MSR1: variants seen among roughly 807,000 people sequenced by gnomAD.
MSR1 encodes macrophage scavenger receptor types I and II.
Under a neutral mutation model 47.2 loss-of-function variants are expected in MSR1, and 53 were observed. The observed-to-expected ratio is 1.12, with a 90% CI of 0.90 to 1.41. The LOEUF (loss-of-function observed/expected upper bound fraction) is 1.41, where lower values mean the gene tolerates loss of function less well. Ranked by LOEUF, MSR1 falls within the 40% of genes most tolerant of loss-of-function variation. The probability of loss-of-function intolerance (pLI) is 0.00; values close to 1 mark genes in which losing one functional copy is unlikely to be tolerated. For synonymous variants in MSR1, 239 were observed against 185.6 expected, an observed-to-expected ratio of 1.29 and a Z score of -2.34; for missense variants, 786 against 546.9, an observed-to-expected ratio of 1.44 and a Z score of -4.36.
intron 8 of MSR1, among the ~76,000 whole-genome samples, chr8:16,123,622 T>G (rs1330267342): frequency 6.6e-6 from 1 of 152,062 alleles, no homozygotes; most frequent in East Asian, 1.9e-4. Context: ...AGCTGTTTCC[T>G]CTTTATTTGT....
chr8:16,178,551 G>A (rs994587605), intron 1 of MSR1, among the ~76,000 whole-genome samples: 7 of 151,956 alleles, frequency 4.6e-5, no homozygotes, highest in Non-Finnish European at 7.4e-5. Context: ...GAATAGTGCC[G>A]CCGCAATAAA....
chr8:16,174,373 A>G (rs1801578560), intron 3 of MSR1, among the ~76,000 whole-genome samples: 2 of 152,216 alleles, frequency 1.3e-5, no homozygotes, highest in South Asian at 4.1e-4. Context: ...GGAGAGCTAT[A>G]AGGCATATAA....
At chr8:16,132,398 T>C (rs1264767721) in intron 8 of MSR1, among the ~76,000 whole-genome samples, 1 of 152,124 alleles carries the variant, frequency 6.6e-6, no homozygotes, top group East Asian at 1.9e-4. Context: ...GTCAAGACTA[T>C]GGGGTTTTCT....
intron 1 of MSR1, 111 bp from the exon 2 acceptor site, chr8:16,178,103 C>CTTTTT: frequency 2.0e-5 from 13 of 654,304 alleles, no homozygotes; most frequent in South Asian, 3.7e-5. Flanking sequence ...TTCAGTTTTT[C>CTTTTT]TTTTTTTTTT....
In MSR1 at chr8:16,163,287, G is replaced by C. The variant is rs183062516; in HGVS notation, c.817+778C>G. Among the ~76,000 whole-genome samples the C allele has an allele frequency of 1.1e-3, 164 of 151,568 alleles. 2 individuals carry two copies. Among genetic ancestry groups the C allele is most frequent in the African/African-American group, 3.8e-3 (157 of 41,100 alleles). ...ATAGTGGAAATAAATACAGTGCAAA[G>C]AGATGGTCAGATTGTATATTTTTTT... is the stretch of plus-strand genomic sequence containing the variant. On this transcript the variant is annotated intron_variant, in intron 5 of 9. Coordinates refer to ENST00000262101, the MANE Select transcript of MSR1 (RefSeq NM_138715.3).
chr8:16,155,536 A>C (rs905928224), intron 5 of MSR1, among the ~76,000 whole-genome samples: 14 of 152,044 alleles, frequency 9.2e-5, no homozygotes, highest in African/African-American at 3.4e-4. Context: ...GAAAATCTAT[A>C]AGTAAGAACT....
At chr8:16,132,262 G>A (rs1162021522) in intron 8 of MSR1, among the ~76,000 whole-genome samples, 5 of 151,864 alleles carry the variant, frequency 3.3e-5, no homozygotes, top group African/African-American at 9.7e-5. Flanking sequence ...TGTGAATGGG[G>A]TTGCATTCCT....
intron 3 of MSR1, among the ~76,000 whole-genome samples, chr8:16,173,236 G>A (rs144083002): frequency 6.6e-6 from 1 of 152,044 alleles, no homozygotes; most frequent in Non-Finnish European, 1.5e-5. Flanking sequence ...CTAATAGCTC[G>A]GGGACTTTGA....
chr8:16,154,935 T>TAC (rs34025026), intron 6 of MSR1, 129 bp downstream of exon 6: 13,581 of 712,548 alleles, frequency 0.019, 261 homozygotes, highest in East Asian at 0.088. Flanking sequence ...TGTGCGTGCA[T>TAC]ACACACACAC....
chr8:16,182,502 T>C (rs1801862934), intron 1 of MSR1, among the ~76,000 whole-genome samples: 1 of 152,160 alleles, frequency 6.6e-6, no homozygotes, highest in South Asian at 2.1e-4. Context: ...CCATAAATTG[T>C]GTAGCTGTAC....
rs180985604 is a variant in MSR1 at position 16,145,415 on chromosome 8, T to A, written c.980-1804A>T. On this transcript the variant is annotated intron_variant, in intron 7 of 9. Coordinates refer to ENST00000262101, the MANE Select transcript of MSR1 (RefSeq NM_138715.3). ...TAAAACAAAGTTCTAACTCTTTTCA[T>A]AAAAGAGAACATAATAAGCAAGCTT... Among the ~76,000 whole-genome samples, 599 of 152,202 alleles carry A rather than the reference T, an allele frequency of 3.9e-3. 2 individuals are homozygous for A. The highest frequency in any genetic ancestry group is 0.014 in the African/African-American group (587 of 41,542).
intron 2 of MSR1, among the ~76,000 whole-genome samples, chr8:16,176,462 G>A (rs566107437): frequency 4.4e-4 from 65 of 147,806 alleles, no homozygotes; most frequent in South Asian, 1.7e-3. Context: ...GGCTATGATC[G>A]CACCACTGCA....
intron 1 of MSR1, among the ~76,000 whole-genome samples, chr8:16,185,910 G>A (rs1488088963): frequency 1.3e-5 from 2 of 150,108 alleles, no homozygotes; most frequent in African/African-American, 2.4e-5. Flanking sequence ...GGTGAGTAGA[G>A]GAAGAAGACT....
intron 3 of MSR1, among the ~76,000 whole-genome samples, chr8:16,174,611 T>C (rs1801586194): frequency 6.6e-6 from 1 of 152,186 alleles, no homozygotes; most frequent in Non-Finnish European, 1.5e-5. Context: ...ATCAGGTTAT[T>C]TTTAGAGATA....
chr8:16,122,115 A>G (rs2117065723), intron 8 of MSR1, among the ~76,000 whole-genome samples: 2 of 152,230 alleles, frequency 1.3e-5, no homozygotes, highest in South Asian at 4.1e-4. Flanking sequence ...ATTCAGTGCT[A>G]AATACTGATT....
intron 3 of MSR1, among the ~76,000 whole-genome samples, chr8:16,170,878 T>G (rs1031792095): frequency 2.0e-5 from 3 of 152,200 alleles, no homozygotes; most frequent in Non-Finnish European, 4.4e-5. Flanking sequence ...ACCTCAACAG[T>G]GGTGCTGAAC....
intron 3 of MSR1, among the ~76,000 whole-genome samples, chr8:16,171,004 A>G (rs1801469288): frequency 6.6e-6 from 1 of 151,432 alleles, no homozygotes; most frequent in African/African-American, 2.4e-5. Context: ...TGTGTGGATC[A>G]CCTGAGGTCA....
intron 5 of MSR1, among the ~76,000 whole-genome samples, chr8:16,162,960 G>GTACTA (rs1168702979): frequency 1.3e-5 from 2 of 151,726 alleles, no homozygotes; most frequent in African/African-American, 4.8e-5. Context: ...AAATAAAGTA[G>GTACTA]AATAAACTGT....
At chr8:16,125,995 G>A (rs1378708900) in intron 8 of MSR1, among the ~76,000 whole-genome samples, 5 of 151,916 alleles carry the variant, frequency 3.3e-5, no homozygotes, top group Admixed American at 1.3e-4. Context: ...CATTTCAAAG[G>A]TCCAAGTGGT....
Sources: allele counts gnomAD v4.1 joint callset (sites outside exome capture counted in the v4.1 genomes callset), GRCh38; gene constraint gnomAD v4.1.1; transcripts MANE v1.5; gene names NCBI Gene and HGNC (gene_info 2026-07-23, HGNC 2026-07-21).